The following MYO3B variants were observed in gnomAD, a reference collection of about 807,000 sequenced individuals.
MYO3B encodes the protein myosin IIIB, also known as myosin-IIIb.
A neutral mutation model predicts 174.6 loss-of-function variants in MYO3B; 156 were observed. That is an observed-to-expected ratio of 0.89 (90% confidence interval 0.78 to 1.02). The LOEUF is 1.02. Among genes scored for constraint, MYO3B ranks in the 50% least tolerant of loss-of-function variants. MYO3B has a pLI of 0.00. For missense variants in MYO3B, 1,632 were observed against 1,639.4 expected, an observed-to-expected ratio of 1.00 and a Z score of 0.08; for synonymous variants, 563 against 569.1, an observed-to-expected ratio of 0.99 and a Z score of 0.15.
At chr2:170,269,397 T>C (rs1214174054) in intron 7 of MYO3B, among the ~76,000 whole-genome samples, 3 of 152,180 alleles carry the variant, frequency 2.0e-5, no homozygotes, top group Non-Finnish European at 2.9e-5. Flanking sequence ...CCTTTCCCAA[T>C]GGCATGTGAT....
chr2:170,250,361 A>G (rs2093238341), intron 7 of MYO3B, among the ~76,000 whole-genome samples: 1 of 152,178 alleles, frequency 6.6e-6, no homozygotes, highest in African/African-American at 2.4e-5. Flanking sequence ...GCAGTCAAAA[A>G]AGTTTGGAGG....
rs1037520597 is a variant in MYO3B at position 170,282,843 on chromosome 2, C to T, written c.749+46707C>T. 5.9e-5 allele frequency among the ~76,000 whole-genome samples: 9 copies of T among 152,204 alleles called. No individual in the cohort carries two copies. The South Asian group carries it at 6.2e-4, about 11-fold the overall frequency. On this transcript the variant is annotated intron_variant, in intron 7 of 34. Transcript: ENST00000408978. Reference sequence around the variant, plus strand: ...GCTGTTGAGGGGTCAGGGTTGCTATCGGTGATAGCCACCTCAGGCAGGCAG... The same window carrying T: ...GCTGTTGAGGGGTCAGGGTTGCTATTGGTGATAGCCACCTCAGGCAGGCAG...
In MYO3B at chr2:170,387,286, T is replaced by C. The variant is rs201344786; in HGVS notation, c.1555T>C (p.Ser519Pro). 66 of 1,614,048 alleles carry C rather than the reference T, an allele frequency of 4.1e-5. No individual in the cohort carries two copies. The highest frequency in any genetic ancestry group is 5.3e-5 in the Non-Finnish European group (63 of 1,179,958). The change falls in exon 14 of 35, where the codon TCC becomes CCC. Residue 519 changes from serine (S) to proline (P), a missense_variant. Physicochemically the swap from Ser to Pro is moderately conservative, Grantham distance 74. Transcript: ENST00000408978. ...ARISEYLLEK[S>P]RVIKQAAREK... ...AATCTCTGAATATCTCCTGGAAAAA[T>C]CCAGAGTTATAAAACAGGCAGCGTA...
rs529961397 is a variant in MYO3B, at chr2:170,426,133, C to G, written c.2651-17834C>G. Among the ~76,000 whole-genome samples the G allele has an allele frequency of 6.9e-5, 10 of 144,396 alleles. No individual in the cohort carries two copies. The East Asian group carries it at 2.1e-3, about 30-fold the overall frequency. 94.7% of individuals were successfully genotyped at this position (144,396 alleles called of 152,430 possible). On this transcript the variant is annotated intron_variant, in intron 22 of 34. Coordinates refer to ENST00000408978, the MANE Select transcript of MYO3B (RefSeq NM_138995.5). ...ATAACATTTGTTTATTCTCTTTTTC[C>G]TTTTGCTCTGTCTTTTGTTGAGAGT... is the stretch of plus-strand genomic sequence containing the variant.
At chr2:170,396,327 A>G (rs1048967069) in intron 16 of MYO3B, among the ~76,000 whole-genome samples, 1 of 152,176 alleles carries the variant, frequency 6.6e-6, no homozygotes, top group Non-Finnish European at 1.5e-5. Flanking sequence ...TTGATTGAAA[A>G]GTTTTAAGGC....
At chr2:170,601,867 G>A in intron 32 of MYO3B, 2 of 870,692 alleles carry the variant, frequency 2.3e-6, no homozygotes, top group South Asian at 1.5e-5. Context: ...ATCGCTAATA[G>A]GCAGGCCAGG....
chr2:170,444,100 C>T, intron 23 of MYO3B, 54 bp downstream of exon 23: 1 of 1,489,018 alleles, frequency 6.7e-7, no homozygotes, highest in Non-Finnish European at 9.4e-7. Flanking sequence ...ACTCTTGACC[C>T]AGGGATAATC....
chr2:170,255,765 G>A (rs1389688367), intron 7 of MYO3B, among the ~76,000 whole-genome samples: 2 of 152,174 alleles, frequency 1.3e-5, no homozygotes, highest in Admixed American at 1.3e-4. Context: ...TACCTATAAA[G>A]TATTGTACTA....
At chr2:170,609,618 TG>T (rs1695016810) in intron 32 of MYO3B, among the ~76,000 whole-genome samples, 1 of 152,228 alleles carries the variant, frequency 6.6e-6, no homozygotes, top group East Asian at 1.9e-4. Context: ...GACAATTTAT[TG>T]GGGTCCAATG....
At chr2:170,293,109 T>C (rs746226259) in intron 7 of MYO3B, among the ~76,000 whole-genome samples, 4 of 152,174 alleles carry the variant, frequency 2.6e-5, no homozygotes, top group African/African-American at 4.8e-5. Flanking sequence ...CACCTCTCTG[T>C]GGCCCCAGGA....
intron 30 of MYO3B, among the ~76,000 whole-genome samples, chr2:170,525,016 C>T (rs1688915910): frequency 6.6e-6 from 1 of 152,150 alleles, no homozygotes; most frequent in Admixed American, 6.5e-5. Context: ...AAGGCTTTTT[C>T]TCTCTACCCA....
chr2:170,402,843 T>A lies in MYO3B; in HGVS notation c.2130-5T>A, dbSNP rs957551549. On this transcript the variant is annotated splice_region_variant and splice_polypyrimidine_tract_variant and intron_variant, in intron 18 of 34. Coordinates refer to ENST00000408978, the MANE Select transcript of MYO3B (RefSeq NM_138995.5). ...TAAAGAGTTTTGTTCTTCTCTCTCA[T>A]GCAGTAGTGCAGGAGGTGGAATGAA... 2.5e-6 allele frequency: 4 copies of A among 1,602,088 alleles called. No homozygotes were observed. Among genetic ancestry groups the A allele is most frequent in the Non-Finnish European group, 3.4e-6 (4 of 1,171,394 alleles).
intron 1 of MYO3B, among the ~76,000 whole-genome samples, chr2:170,195,440 A>G (rs1337102045): frequency 6.6e-6 from 1 of 152,040 alleles, no homozygotes; most frequent in Non-Finnish European, 1.5e-5. Context: ...CTGCCACTGG[A>G]CAGCCAAGCT....
chr2:170,611,394 T>C (rs955050759), intron 32 of MYO3B, among the ~76,000 whole-genome samples: 2 of 152,132 alleles, frequency 1.3e-5, no homozygotes, highest in Non-Finnish European at 2.9e-5. Context: ...TTTGGCAAAA[T>C]AGAATCCCCA....
chr2:170,511,457 G>A (rs1007017171), intron 28 of MYO3B, among the ~76,000 whole-genome samples: 1 of 152,180 alleles, frequency 6.6e-6, no homozygotes, highest in African/African-American at 2.4e-5. Flanking sequence ...AATGATCCTA[G>A]AGGTGGAAGT....
At chr2:170,527,664 AC>A (rs2106162138) in intron 30 of MYO3B, among the ~76,000 whole-genome samples, 1 of 152,302 alleles carries the variant, frequency 6.6e-6, no homozygotes, top group South Asian at 2.1e-4. Context: ...CTGGAGCCAA[AC>A]TGCCTCTGTT....
chr2:170,394,870 A>G (rs2094435089), intron 16 of MYO3B, among the ~76,000 whole-genome samples: 1 of 152,248 alleles, frequency 6.6e-6, no homozygotes, highest in African/African-American at 2.4e-5. Flanking sequence ...GAAGGTAGTC[A>G]GGAAACAGAT....
chr2:170,387,316 C>T lies in MYO3B; in HGVS notation c.1577+8C>T. Reference sequence around the variant, plus strand: ...AGTTATAAAACAGGCAGCGTAGGTGCACTACTTTATCACTGTGTTTTTGCC... The same window carrying T: ...AGTTATAAAACAGGCAGCGTAGGTGTACTACTTTATCACTGTGTTTTTGCC... On this transcript the variant is annotated splice_region_variant and intron_variant, in intron 14 of 34. Transcript: ENST00000408978. 6.2e-7 allele frequency: 1 copy of T among 1,613,322 alleles called. No homozygotes were observed. The highest frequency in any genetic ancestry group is 1.3e-5 in the African/African-American group (1 of 75,020).
intron 7 of MYO3B, among the ~76,000 whole-genome samples, chr2:170,251,708 A>G (rs550102378): frequency 1.2e-4 from 19 of 152,316 alleles, no homozygotes; most frequent in African/African-American, 4.6e-4. Flanking sequence ...TTGGACTGCT[A>G]GTTTCTGGAA....
Sources: gnomAD v4.1 joint callset for allele counts (sites outside exome capture counted in the v4.1 genomes callset) on GRCh38, gnomAD v4.1.1 for gene constraint, MANE v1.5 for transcripts, NCBI Gene and HGNC (gene_info 2026-07-23, HGNC 2026-07-21) for gene names.